Variants in DMD observed in about 807,000 individuals in gnomAD.
DMD encodes mutant dystrophin.
DMD carries 63 observed loss-of-function variants against 330.1 expected under a neutral mutation model. The observed-to-expected ratio is 0.19, with a 90% CI of 0.16 to 0.24. The LOEUF (loss-of-function observed/expected upper bound fraction) is 0.24. Ranked by LOEUF, DMD falls within the 10% of genes least tolerant of loss-of-function variation. The pLI is 1.00. For missense variants in DMD, 3,344 were observed against 2,684.1 expected (o/e 1.25, Z -5.43); for synonymous variants, 1,223 against 959.8 (o/e 1.27, Z -5.07).
chrX:33,258,667 G>A lies in DMD; in HGVS notation c.7+80592C>T, dbSNP rs184303123. Among the ~76,000 whole-genome samples, 433 of 110,734 alleles carry A rather than the reference G, an allele frequency of 3.9e-3. 1 individual carries two copies. The highest frequency in any genetic ancestry group is 6.8e-3 in the Non-Finnish European group (358 of 52,536). ...AGATGCCTTTCTCCACTTTATCCTA[G>A]TATGTCTTTAGAGCCCTGATATAAA... On this transcript the variant is annotated intron_variant, in intron 1 of 17. Coordinates refer to the DMD transcript ENST00000288447.
At chrX:31,193,220 T>G (rs891710463) in intron 67 of DMD, among the ~76,000 whole-genome samples, 5 of 112,582 alleles carry the variant, frequency 4.4e-5, no homozygotes, top group African/African-American at 9.7e-5. Context: ...TATGTCAATG[T>G]GTTGTTCCCA....
intron 56 of DMD, among the ~76,000 whole-genome samples, chrX:31,501,564 CT>C (rs2070412287): frequency 9.0e-6 from 1 of 111,669 alleles, no homozygotes; most frequent in African/African-American, 3.2e-5. Context: ...AACGCAGAGC[CT>C]TTAGATGTGC....
Position 31,293,163 on chromosome X carries a change from G to GGTGTGTGTGTGTGTGTGTGTGT in DMD, c.9224+30413_9224+30434dup, listed in dbSNP as rs762778210. Reference sequence around the variant, plus strand: ...CTCTCTCTCACCACTCCCCCAACCCGGTGTGTGTGTGTGTGTGTGTGTGTG... The same window carrying GGTGTGTGTGTGTGTGTGTGTGT: ...CTCTCTCTCACCACTCCCCCAACCCGGTGTGTGTGTGTGTGTGTGTGTGTGTGTGTGTGTGTGTGTGTGTGTG... On this transcript the variant is annotated intron_variant, in intron 62 of 78. Coordinates refer to ENST00000357033, the MANE Select transcript of DMD (RefSeq NM_004006.3). Among the ~76,000 whole-genome samples, 194 of 70,542 alleles carry GGTGTGTGTGTGTGTGTGTGTGT rather than the reference G, an allele frequency of 2.8e-3. 5 individuals carry two copies. The highest frequency in any genetic ancestry group is 3.7e-3 in the Non-Finnish European group (152 of 41,314). The allele number at this position is 70,542 out of a possible 115,157, so 61.3% of individuals were successfully genotyped here.
chrX:31,482,245 TGTTC>T (rs2068360380), intron 57 of DMD, among the ~76,000 whole-genome samples: 1 of 84,854 alleles, frequency 1.2e-5, no homozygotes, highest in African/African-American at 5.2e-5. Context: ...GTGGGGGGGG[TGTTC>T]TGTGCATGGG....
intron 59 of DMD, among the ~76,000 whole-genome samples, chrX:31,462,792 G>C (rs1187500777): frequency 8.9e-6 from 1 of 112,293 alleles, no homozygotes; most frequent in African/African-American, 3.2e-5. Flanking sequence ...AGAGCTGCTA[G>C]TCATGGAACT....
rs191523046 is a variant in DMD, at chrX:31,909,529, A to C, written c.6912+20067T>G. On this transcript the variant is annotated intron_variant, in intron 47 of 78. Coordinates refer to ENST00000357033, the MANE Select transcript of DMD (RefSeq NM_004006.3). ...ACCCAGAGAAATGTGAAAAAAAAAA[A>C]AAAAAAACAAGAAACAAAAAACCGG... is the stretch of plus-strand genomic sequence containing the variant. Among the ~76,000 whole-genome samples, 388 of 110,011 alleles carry C rather than the reference A, an allele frequency of 3.5e-3. 2 individuals are homozygous for C. The highest frequency in any genetic ancestry group is 0.012 in the African/African-American group (363 of 30,386).
intron 50 of DMD, among the ~76,000 whole-genome samples, chrX:31,792,762 AC>A (rs1248939009): frequency 1.8e-5 from 2 of 110,672 alleles, no homozygotes; most frequent in African/African-American, 6.6e-5. Flanking sequence ...GGCGTCTGCG[AC>A]CCCTGAAGCC....
intron 1 of DMD, among the ~76,000 whole-genome samples, chrX:33,089,552 C>T (rs2095057483): frequency 9.1e-6 from 1 of 110,184 alleles, no homozygotes; most frequent in South Asian, 3.9e-4. Context: ...TGATAATAAA[C>T]GTCAGTATAA....
At chrX:32,621,047 G>T (rs1015333686) in intron 11 of DMD, among the ~76,000 whole-genome samples, 2 of 111,197 alleles carry the variant, frequency 1.8e-5, no homozygotes, top group African/African-American at 6.5e-5. Context: ...TGGCGGGTGA[G>T]GGCCACAGAT....
At chrX:32,280,399 G>A (rs1428878603) in intron 43 of DMD, among the ~76,000 whole-genome samples, 1 of 109,577 alleles carries the variant, frequency 9.1e-6, no homozygotes, top group African/African-American at 3.3e-5. Context: ...TTCAGGACTT[G>A]CTTGTTTTTT....
chrX:33,126,457 T>C (rs1420817944), intron 1 of DMD, among the ~76,000 whole-genome samples: 1 of 111,277 alleles, frequency 9.0e-6, no homozygotes, highest in Non-Finnish European at 1.9e-5. Context: ...TCAGAAACTC[T>C]GGGGGTGGCA....
chrX:31,687,228 G>T (rs376371764), intron 52 of DMD, among the ~76,000 whole-genome samples: 2 of 111,347 alleles, frequency 1.8e-5, no homozygotes, highest in South Asian at 3.8e-4. Flanking sequence ...AGGTCACCCA[G>T]CAAATTCCCA....
chrX:32,068,260 CG>C (rs1423896045), intron 44 of DMD, among the ~76,000 whole-genome samples: 1 of 110,888 alleles, frequency 9.0e-6, no homozygotes, highest in Non-Finnish European at 1.9e-5. Flanking sequence ...ATTACACCAC[CG>C]TCAGATGCAT....
chrX:32,057,682 T>C (rs1462956917), intron 44 of DMD, among the ~76,000 whole-genome samples: 1 of 111,451 alleles, frequency 9.0e-6, no homozygotes, highest in Non-Finnish European at 1.9e-5. Flanking sequence ...CATCTACAGA[T>C]ACAGTGTAAT....
At chrX:32,423,645 T>C (rs2098199964) in intron 29 of DMD, among the ~76,000 whole-genome samples, 1 of 110,596 alleles carries the variant, frequency 9.0e-6, no homozygotes, top group Non-Finnish European at 1.9e-5. Flanking sequence ...AAGGAAACAT[T>C]ATTGATTGAA....
chrX:32,675,034 T>A (rs1347549553), intron 9 of DMD, among the ~76,000 whole-genome samples: 1 of 111,659 alleles, frequency 9.0e-6, no homozygotes, highest in Admixed American at 9.6e-5. Context: ...TCATCTTCAG[T>A]GCCGAATGTT....
intron 1 of DMD, among the ~76,000 whole-genome samples, chrX:33,297,383 G>A (rs1040635464): frequency 3.6e-5 from 4 of 110,524 alleles, no homozygotes; most frequent in Non-Finnish European, 7.6e-5. Context: ...TGCACTGTTT[G>A]TGGGAATGTA....
At chrX:32,208,851 T>C (rs1479350604) in intron 44 of DMD, among the ~76,000 whole-genome samples, 3 of 111,234 alleles carry the variant, frequency 2.7e-5, no homozygotes, top group African/African-American at 9.8e-5. Context: ...GGCCATCATA[T>C]TGTTAAAGTA....
At chrX:31,134,414 T>C (rs1290330429) in intron 76 of DMD, among the ~76,000 whole-genome samples, 1 of 83,896 alleles carries the variant, frequency 1.2e-5, no homozygotes, top group Non-Finnish European at 2.2e-5. Flanking sequence ...AAAAAAAAAC[T>C]GTATATCTTT....
Sources: allele counts gnomAD v4.1 joint callset (sites outside exome capture counted in the v4.1 genomes callset), GRCh38; gene constraint gnomAD v4.1.1; transcripts MANE v1.5; gene names NCBI Gene and HGNC (gene_info 2026-07-23, HGNC 2026-07-21).